CNPY2: variants seen among roughly 807,000 people sequenced by gnomAD.
The protein encoded by CNPY2 is protein canopy homolog 2.
Under a neutral mutation model 25.5 loss-of-function variants are expected in CNPY2, and 19 were observed. The observed-to-expected ratio is 0.74, with a 90% CI of 0.52 to 1.09. The LOEUF (loss-of-function observed/expected upper bound fraction) is 1.09, where lower values mean the gene tolerates loss of function less well. Ranked by LOEUF, CNPY2 falls within the 50% of genes least tolerant of loss-of-function variation. CNPY2 has a pLI of 0.00. For synonymous variants in CNPY2, 82 were observed against 85.0 expected (o/e 0.96, Z 0.19); for missense variants, 214 against 233.6 (o/e 0.92, Z 0.55).
At position 56,310,171 on chromosome 12, in the gene CNPY2, C is replaced by G. The variant is rs1043125000; in HGVS notation, c.*381G>C. On this transcript the variant is annotated 3_prime_UTR_variant, in exon 6 of 6. Transcript: ENST00000273308. ...ACCATACACTATGTTCCCCTGCTTC[C>G]TCATGGAGGTTCCTCTATTCTCCAC... The G allele has an allele frequency of 2.6e-5, 16 of 607,052 alleles. No homozygotes were observed. The highest frequency in any genetic ancestry group is 3.7e-5 in the African/African-American group (2 of 53,998). The allele number at this position is 607,052 out of a possible 1,614,324, so 37.6% of individuals were successfully genotyped here. A position where few individuals can be genotyped will look rare whatever the true frequency, so the allele number is the denominator to read the frequency against.
chr12:56,313,122 C>A (rs1032903085), intron 3 of CNPY2, among the ~76,000 whole-genome samples: 1 of 152,118 alleles, frequency 6.6e-6, no homozygotes, highest in African/African-American at 2.4e-5. Context: ...CTAATGCTAT[C>A]CCTCCCCTAG....
chr12:56,311,368 T>C lies in CNPY2; in HGVS notation c.251A>G (p.Glu84Gly), dbSNP rs2135935128. The C allele has an allele frequency of 3.7e-6, 6 of 1,614,138 alleles. No homozygotes were observed. The highest frequency in any genetic ancestry group is 5.1e-6 in the Non-Finnish European group (6 of 1,180,042). Residue 84 changes from glutamate (E) to glycine (G), a missense_variant, in exon 4 of 6, where the codon GAG (glutamate) becomes GGG (glycine). Physicochemically the swap from Glu to Gly is moderately conservative, Grantham distance 98. Coordinates refer to ENST00000273308, the MANE Select transcript of CNPY2 (RefSeq NM_014255.7). ...ATACTCCTTCATCCGGTCACATATC[T>C]CCTCCAGCAGCTCTGTGAGGTGGGC... is the stretch of plus-strand genomic sequence containing the variant. ...SEAHLTELLE[E>G]ICDRMKEYGE...
chr12:56,314,724 G>C (rs1592422612), intron 3 of CNPY2, 127 bp downstream of exon 3: 1 of 1,539,962 alleles, frequency 6.5e-7, no homozygotes, highest in African/African-American at 1.4e-5. Context: ...TTCCAAATGA[G>C]ACAGAGCCAA....
chr12:56,312,219 C>CTTTTTTT (rs1873739981), intron 3 of CNPY2, among the ~76,000 whole-genome samples: 1 of 72,626 alleles, frequency 1.4e-5, no homozygotes, highest in African/African-American at 4.5e-5. Flanking sequence ...TTTCAAAGTA[C>CTTTTTTT]TTCTTTTTTT....
intron 5 of CNPY2, 49 bp downstream of exon 5, chr12:56,310,909 C>A: frequency 6.5e-7 from 1 of 1,533,746 alleles, no homozygotes; most frequent in Non-Finnish European, 9.0e-7. Flanking sequence ...TAGGGAATGT[C>A]AGGTTCCACA....
At chr12:56,315,082 C>T (rs1011148822) in intron 2 of CNPY2, 48 bp downstream of exon 2, 5 of 1,598,806 alleles carry the variant, frequency 3.1e-6, no homozygotes, top group African/African-American at 1.3e-5. Flanking sequence ...ATCTCATGCC[C>T]TCCCAAGGCT....
rs762945572 is a variant in CNPY2 at position 56,315,249 on chromosome 12, TTGAG to T, written c.-25-11_-25-8del. 6.4e-7 allele frequency: 1 copy of T among 1,554,350 alleles called. No homozygotes were observed. Among genetic ancestry groups the T allele is most frequent in the Non-Finnish European group, 8.9e-7 (1 of 1,127,720 alleles). ...CGTAATGGGGTCGCTCCACCTGGGT[TTGAG>T]TGGGAATAAAACATAAGTGTGAGGA... On this transcript the variant is annotated splice_region_variant and splice_polypyrimidine_tract_variant and intron_variant, in intron 1 of 5. Coordinates refer to ENST00000273308, the MANE Select transcript of CNPY2 (RefSeq NM_014255.7).
At position 56,309,878 on chromosome 12, in the gene CNPY2, T is replaced by C; in HGVS notation, c.*674A>G. ...ATACACTTTATTGTTGCCACTGGCA[T>C]CAAATTTAAAAGCTTAGGCTGGCAA... On this transcript the variant is annotated 3_prime_UTR_variant, in exon 6 of 6. Transcript: ENST00000273308. The C allele has an allele frequency of 1.4e-6, 1 of 701,702 alleles. No individual in the cohort carries two copies. The highest frequency in any genetic ancestry group is 2.7e-5 in the East Asian group (1 of 37,276). The allele number at this position is 701,702 out of a possible 1,614,324, so 43.5% of individuals were successfully genotyped here. A position where few individuals can be genotyped will look rare whatever the true frequency, so the allele number is the denominator to read the frequency against.
rs746026938 is a variant in CNPY2 at position 56,310,555 on chromosome 12, T to G, written c.546A>C (p.Leu182=). Residue 182 remains leucine, a synonymous_variant, in exon 6 of 6, where the codon CTA becomes CTC. Coordinates refer to ENST00000273308, the MANE Select transcript of CNPY2 (RefSeq NM_014255.7). ...CAGTGTGGGCTGCTCCAGTGGTTCATAGCTCATCATGCGATATGTGCAGGG... is the reference window on the plus strand; with the variant it reads ...CAGTGTGGGCTGCTCCAGTGGTTCAGAGCTCATCATGCGATATGTGCAGGG... ...DHALHISHDE[L] The G allele has an allele frequency of 6.2e-7, 1 of 1,614,228 alleles. No homozygotes were observed. The highest frequency in any genetic ancestry group is 8.5e-7 in the Non-Finnish European group (1 of 1,180,036).
intron 1 of CNPY2, chr12:56,315,599 T>C (rs1193412860): frequency 8.9e-6 from 2 of 224,796 alleles, no homozygotes; most frequent in Admixed American, 1.0e-4. Context: ...ACTAGGGAAC[T>C]GCCGGCAGGG....
chr12:56,314,205 G>A (rs1327726679), intron 3 of CNPY2, among the ~76,000 whole-genome samples: 1 of 151,510 alleles, frequency 6.6e-6, no homozygotes, highest in East Asian at 1.9e-4. Context: ...GGGTCTTGCT[G>A]TGTTTCCCAG....
intron 3 of CNPY2, among the ~76,000 whole-genome samples, chr12:56,314,179 G>GT (rs542783035): frequency 2.1e-3 from 316 of 150,428 alleles, no homozygotes; most frequent in Admixed American, 3.5e-3. Context: ...CTGGGTTTTG[G>GT]TTTTTTTTTG....
chr12:56,313,197 T>C (rs1167025770), intron 3 of CNPY2, among the ~76,000 whole-genome samples: 1 of 152,102 alleles, frequency 6.6e-6, no homozygotes, highest in Non-Finnish European at 1.5e-5. Flanking sequence ...TGTTCATTAA[T>C]ATTTTATTTT....
intron 3 of CNPY2, chr12:56,314,498 T>C: frequency 1.7e-6 from 2 of 1,143,634 alleles, no homozygotes; most frequent in Non-Finnish European, 2.2e-6. Context: ...CCTTTTATTC[T>C]TATTTCTGTT....
chr12:56,311,708 C>T, intron 3 of CNPY2: 1 of 387,244 alleles, frequency 2.6e-6, no homozygotes, highest in Non-Finnish European at 4.9e-6. Flanking sequence ...TGCACCACCA[C>T]ACCCAGCTAA....
At chr12:56,314,781 C>G (rs1403192463) in intron 3 of CNPY2, 70 bp downstream of exon 3, 7 of 1,611,948 alleles carry the variant, frequency 4.3e-6, no homozygotes, top group Admixed American at 1.7e-5. Flanking sequence ...AACCAAGGTC[C>G]TTTTTAAGCA....
chr12:56,314,521 A>T, intron 3 of CNPY2: 5 of 1,162,420 alleles, frequency 4.3e-6, no homozygotes, highest in African/African-American at 3.2e-5. Context: ...TTCATTTTTT[A>T]TTTTTAGCTC....
Position 56,310,578 on chromosome 12 carries a change from G to C in CNPY2, c.523C>G (p.Leu175Val). 6.2e-7 allele frequency: 1 copy of C among 1,614,240 alleles called. No homozygotes were observed. The highest frequency in any genetic ancestry group is 8.5e-7 in the Non-Finnish European group (1 of 1,180,048). Residue 175 changes from leucine (L) to valine (V), a missense_variant, in exon 6 of 6, where the codon CTG becomes GTG. Leu to Val is a conservative substitution (Grantham distance 32). Transcript: ENST00000273308. ...CATAGCTCATCATGCGATATGTGCA[G>C]GGCATGGTCACAAAGATCTGCAAAT... Reference protein sequence around the residue: ...SKRTDLCDHALHISHDEL With the variant: ...SKRTDLCDHAVHISHDEL
chr12:56,311,399 AG>A lies in CNPY2; in HGVS notation c.219del (p.Ser74GlnfsTer16), dbSNP rs763295570. The part of the protein sequence containing the change: ...SQSVVEVPYA[R>X]SEAHLTELLE... ...AGCAGCTCTGTGAGGTGGGCCTCTG[AG>A]CGGGCATAAGGCACCTAGAAATGTC... On this transcript the variant is annotated frameshift_variant, in exon 4 of 6. Transcript: ENST00000273308. LOFTEE classifies it high-confidence loss of function. 20 of 1,614,120 alleles carry A rather than the reference AG, an allele frequency of 1.2e-5. No individual in the cohort carries two copies. Among genetic ancestry groups the A allele is most frequent in the Non-Finnish European group, 1.6e-5 (19 of 1,180,032 alleles).
Sources: gnomAD v4.1 joint callset for allele counts (sites outside exome capture counted in the v4.1 genomes callset) on GRCh38, gnomAD v4.1.1 for gene constraint, MANE v1.5 for transcripts, NCBI Gene and HGNC (gene_info 2026-07-23, HGNC 2026-07-21) for gene names.